Variants in PPARGC1A observed in about 807,000 individuals in gnomAD.
PPARGC1A encodes the protein peroxisome proliferator-activated receptor gamma coactivator 1-alpha.
A neutral mutation model predicts 88.7 loss-of-function variants in PPARGC1A; 25 were observed. That is an observed-to-expected ratio of 0.28 (90% CI 0.21 to 0.39). PPARGC1A has a LOEUF of 0.39. Ranked by LOEUF, PPARGC1A falls within the 10% of genes least tolerant of loss-of-function variation. PPARGC1A has a pLI of 1.00. For synonymous variants in PPARGC1A, 363 were observed against 355.6 expected, an observed-to-expected ratio of 1.02 and a Z score of -0.24; for missense variants, 880 against 968.7, an observed-to-expected ratio of 0.91 and a Z score of 1.22.
chr4:24,350,389 T>A, the PPARGC1A span, among the ~76,000 whole-genome samples: 14 of 151,948 alleles, frequency 9.2e-5, no homozygotes, highest in East Asian at 5.9e-4. Context: ...TGAAAAAAAC[T>A]TTTTTTTTGA....
At chr4:24,396,026 T>C in the PPARGC1A span, among the ~76,000 whole-genome samples, 1 of 152,298 alleles carries the variant, frequency 6.6e-6, no homozygotes, top group East Asian at 1.9e-4. Flanking sequence ...ATTGCTCACC[T>C]CCTTCTAGTG....
chr4:24,103,758 G>A, the PPARGC1A span, among the ~76,000 whole-genome samples: 1 of 152,164 alleles, frequency 6.6e-6, no homozygotes, highest in Non-Finnish European at 1.5e-5. Flanking sequence ...GTCCCCAAAG[G>A]ACCCCGAGGA....
the PPARGC1A span, among the ~76,000 whole-genome samples, chr4:24,280,486 G>C: frequency 1.3e-5 from 2 of 152,014 alleles, no homozygotes; most frequent in South Asian, 4.2e-4. Context: ...TCTGGAGGGA[G>C]GGAGAGAAGA....
At chr4:23,935,660 A>G in the PPARGC1A span, among the ~76,000 whole-genome samples, 1 of 152,222 alleles carries the variant, frequency 6.6e-6, no homozygotes, top group Admixed American at 6.5e-5. Context: ...ATTACAAATA[A>G]CAAACCACGT....
chr4:24,417,197 A>G, the PPARGC1A span, among the ~76,000 whole-genome samples: 1 of 152,220 alleles, frequency 6.6e-6, no homozygotes, highest in Admixed American at 6.5e-5. Context: ...GTAAAGTTAC[A>G]GAGGAAAAGG....
At chr4:23,911,882 A>G in the PPARGC1A span, among the ~76,000 whole-genome samples, 1 of 152,204 alleles carries the variant, frequency 6.6e-6, no homozygotes, top group Non-Finnish European at 1.5e-5. Context: ...GCAGATCTCT[A>G]GAATTTAGTC....
chr4:24,190,720 C>T, the PPARGC1A span, among the ~76,000 whole-genome samples: 1 of 152,206 alleles, frequency 6.6e-6, no homozygotes, highest in South Asian at 2.1e-4. Context: ...AGGCAGGATT[C>T]AGCTGCAGGT....
At chr4:24,254,188 A>G in the PPARGC1A span, among the ~76,000 whole-genome samples, 1 of 152,298 alleles carries the variant, frequency 6.6e-6, no homozygotes, top group Non-Finnish European at 1.5e-5. Flanking sequence ...ACTGCCTGGT[A>G]TCTTCTAAGT....
At chr4:24,469,993 T>C in the PPARGC1A span, among the ~76,000 whole-genome samples, 1 of 152,080 alleles carries the variant, frequency 6.6e-6, no homozygotes, top group East Asian at 1.9e-4. Context: ...AAACCTCCCA[T>C]CTCTGCAAAG....
chr4:24,228,469 A>G, the PPARGC1A span, among the ~76,000 whole-genome samples: 5 of 152,186 alleles, frequency 3.3e-5, no homozygotes, highest in African/African-American at 1.2e-4. Context: ...AAAGTTGGCA[A>G]CAATGGACAC....
chr4:24,002,471 T>A, the PPARGC1A span, among the ~76,000 whole-genome samples: 3 of 152,174 alleles, frequency 2.0e-5, no homozygotes, highest in Non-Finnish European at 4.4e-5. Flanking sequence ...GACTCATTAC[T>A]TCTAGGGAAC....
chr4:24,115,324 C>T, the PPARGC1A span, among the ~76,000 whole-genome samples: 105 of 151,802 alleles, frequency 6.9e-4, no homozygotes, highest in Non-Finnish European at 1.4e-3. Flanking sequence ...TTTTTTAAAT[C>T]GGTAAATAAT....
upstream of PPARGC1A, among the ~76,000 whole-genome samples, chr4:23,894,468 A>G (rs1358865997): frequency 6.6e-6 from 1 of 152,170 alleles, no homozygotes; most frequent in African/African-American, 2.4e-5. Flanking sequence ...GCTTGAAAAA[A>G]ATGCCACAGT....
upstream of PPARGC1A, among the ~76,000 whole-genome samples, chr4:23,890,704 A>G (rs1382808030): frequency 1.4e-5 from 2 of 142,286 alleles, no homozygotes; most frequent in Non-Finnish European, 3.0e-5. Context: ...GGCTGCCCCC[A>G]TGGCAGTAGG....
chr4:23,793,427 A>C lies in PPARGC1A; in HGVS notation c.*2395T>G, dbSNP rs560755310. On this transcript the variant is annotated 3_prime_UTR_variant, in exon 13 of 13. Transcript: ENST00000264867. The stretch of plus-strand genomic sequence containing the variant: ...AAATCAAGCAAGCATCCGACAGGAC[A>C]AACAGTGGATTCACTCAGAACACAA... The C allele has an allele frequency of 6.6e-6, 1 of 152,668 alleles. No individual in the cohort carries two copies. Among genetic ancestry groups the C allele is most frequent in the South Asian group, 2.1e-4 (1 of 4,834 alleles). The allele number at this position is 152,668 out of a possible 1,614,324, so 9.5% of individuals were successfully genotyped here.
chr4:24,379,781 C>CTTTTT, the PPARGC1A span, among the ~76,000 whole-genome samples: 2 of 138,150 alleles, frequency 1.4e-5, no homozygotes, highest in African/African-American at 5.3e-5. Flanking sequence ...TATTTAAATT[C>CTTTTT]TTTTTTTTTT....
At chr4:24,027,737 G>A in the PPARGC1A span, among the ~76,000 whole-genome samples, 47 of 152,266 alleles carry the variant, frequency 3.1e-4, no homozygotes, top group South Asian at 7.7e-3. Context: ...TCACAGGTGC[G>A]AAGGAAAAAT....
chr4:24,368,531 A>G, the PPARGC1A span, among the ~76,000 whole-genome samples: 1 of 152,160 alleles, frequency 6.6e-6, no homozygotes, highest in Non-Finnish European at 1.5e-5. Context: ...TAATGGAATC[A>G]AATTTGGGGG....
At chr4:24,004,684 A>C in the PPARGC1A span, among the ~76,000 whole-genome samples, 1 of 152,190 alleles carries the variant, frequency 6.6e-6, no homozygotes, top group Non-Finnish European at 1.5e-5. Flanking sequence ...CTTCGGTAAA[A>C]GCTAAATAAT....
Sources: allele counts gnomAD v4.1 joint callset (sites outside exome capture counted in the v4.1 genomes callset), GRCh38; gene constraint gnomAD v4.1.1; transcripts MANE v1.5; gene names NCBI Gene and HGNC (gene_info 2026-07-23, HGNC 2026-07-21).